Variants in KATNIP observed in about 807,000 individuals in gnomAD.
KATNIP encodes katanin-interacting protein.
KATNIP carries 126 observed loss-of-function variants against 174.0 expected under a neutral mutation model. The ratio of observed to expected loss-of-function variants is 0.72; its 90% CI spans 0.63 to 0.84. The LOEUF (loss-of-function observed/expected upper bound fraction) is 0.84. KATNIP is among the 40% of genes least tolerant of loss of function. KATNIP has a pLI of 0.00. For synonymous variants in KATNIP, 810 were observed against 835.7 expected, an observed-to-expected ratio of 0.97 and a Z score of 0.53; for missense variants, 1,958 against 2,109.7, an observed-to-expected ratio of 0.93 and a Z score of 1.41.
chr16:27,552,955 A>G (rs2089454723), intron 1 of KATNIP, among the ~76,000 whole-genome samples: 1 of 152,132 alleles, frequency 6.6e-6, no homozygotes, highest in Non-Finnish European at 1.5e-5. Context: ...TGGCCTCCCA[A>G]AGTGCTGGGA....
intron 8 of KATNIP, among the ~76,000 whole-genome samples, chr16:27,694,685 A>G (rs551078373): frequency 3.3e-5 from 5 of 152,080 alleles, no homozygotes; most frequent in Non-Finnish European, 7.4e-5. Flanking sequence ...AGTCCCAGCT[A>G]CTCAGGAGGC....
chr16:27,610,372 G>A (rs1192519859), intron 2 of KATNIP, among the ~76,000 whole-genome samples: 1 of 152,156 alleles, frequency 6.6e-6, no homozygotes, highest in Admixed American at 6.5e-5. Flanking sequence ...CTTTGAAGAT[G>A]ACTCCAAGGA....
At chr16:27,562,688 G>A (rs1311478028) in intron 1 of KATNIP, among the ~76,000 whole-genome samples, 2 of 152,204 alleles carry the variant, frequency 1.3e-5, no homozygotes, top group African/African-American at 4.8e-5. Context: ...AATGGGTTTA[G>A]GAGCTTGTCT....
intron 15 of KATNIP, 112 bp downstream of exon 15, chr16:27,741,032 T>G: frequency 6.2e-6 from 7 of 1,126,130 alleles, no homozygotes; most frequent in Non-Finnish European, 8.7e-6. Context: ...ACAAGATGGT[T>G]GTTCTCAACT....
intron 8 of KATNIP, among the ~76,000 whole-genome samples, chr16:27,690,535 C>T (rs554873371): frequency 2.0e-5 from 3 of 152,290 alleles, no homozygotes; most frequent in Non-Finnish European, 2.9e-5. Context: ...TGTTGCAGTT[C>T]CCGATGCCAT....
In KATNIP at chr16:27,661,999, T is replaced by C. The variant is rs1276862255; in HGVS notation, c.540+13264T>C. ...ATATATATATATACACATACATATA[T>C]ATATATATATATATATACACATACA... On this transcript the variant is annotated intron_variant, in intron 6 of 27. Transcript: ENST00000261588. 2.7e-5 allele frequency among the ~76,000 whole-genome samples: 2 copies of C among 73,778 alleles called. 1 individual carries two copies. The highest frequency in any genetic ancestry group is 1.6e-4 in the African/African-American group (2 of 12,400). 48.4% of individuals were successfully genotyped at this position (73,778 alleles called of 152,430 possible). A position where few individuals can be genotyped will look rare whatever the true frequency, so the allele number is the denominator to read the frequency against.
chr16:27,624,991 G>T (rs903207524), intron 3 of KATNIP, among the ~76,000 whole-genome samples: 1 of 152,204 alleles, frequency 6.6e-6, no homozygotes, highest in East Asian at 1.9e-4. Context: ...AAGTTGAACC[G>T]GCAAGCCAGT....
chr16:27,713,006 C>T (rs1240115881), intron 13 of KATNIP, among the ~76,000 whole-genome samples: 7 of 152,066 alleles, frequency 4.6e-5, no homozygotes, highest in Non-Finnish European at 1.0e-4. Flanking sequence ...TAGGGTCTCA[C>T]TGTGTGTCCC....
chr16:27,623,490 C>T (rs945270738), intron 3 of KATNIP, among the ~76,000 whole-genome samples: 1 of 152,076 alleles, frequency 6.6e-6, no homozygotes, highest in Non-Finnish European at 1.5e-5. Flanking sequence ...ATGGGGGTCT[C>T]ACTCTGTTGC....
At chr16:27,602,527 A>G (rs1215202215) in intron 2 of KATNIP, among the ~76,000 whole-genome samples, 1 of 152,136 alleles carries the variant, frequency 6.6e-6, no homozygotes, top group Non-Finnish European at 1.5e-5. Flanking sequence ...TAACTGCCCA[A>G]CGGGTTCATT....
chr16:27,775,079 G>T lies in KATNIP; in HGVS notation c.4444G>T (p.Gly1482Cys). The T allele has an allele frequency of 6.2e-7, 1 of 1,611,016 alleles. No individual in the cohort carries two copies. Among genetic ancestry groups the T allele is most frequent in the Non-Finnish European group, 8.5e-7 (1 of 1,179,184 alleles). Residue 1482 changes from glycine to cysteine, a missense_variant, in exon 24 of 28, where the codon GGC becomes TGC. Around this residue, in one of 3 missense-constraint regions of KATNIP, gnomAD observed 383 missense variants for 456.0 expected, o/e 0.84. Coordinates refer to ENST00000261588, the MANE Select transcript of KATNIP (RefSeq NM_015202.5). ...RHMWLAPILP[G>C]LVNRVYVIFD... ...CATGTGGCTGGCTCCCATCCTGCCG[G>T]GCCTGGTGGGTTCCCGGCAGCGGCC...
At chr16:27,707,459 C>T (rs1231265010) in intron 12 of KATNIP, among the ~76,000 whole-genome samples, 4 of 152,166 alleles carry the variant, frequency 2.6e-5, no homozygotes, top group South Asian at 4.1e-4. Flanking sequence ...ACTTACAGAG[C>T]GCACCCAGGG....
At position 27,677,773 on chromosome 16, in the gene KATNIP, A is replaced by T; in HGVS notation, c.585A>T (p.Lys195Asn). 6.2e-7 allele frequency: 1 copy of T among 1,613,790 alleles called. No individual in the cohort carries two copies. The change falls in exon 7 of 28, where the codon AAA (lysine) becomes AAT (asparagine). Residue 195 changes from lysine (K) to asparagine (N), a missense_variant. By Grantham distance (94) the Lys-to-Asn change is moderately conservative (BLOSUM62 0). Transcript: ENST00000261588. ...SLELSVNLQR[K>N]QKDCSSDEYD... ...AACTTAGTGTAAATCTACAAAGGAA[A>T]CAAAAGGATTGTTCCAGCGATGAGT... is the stretch of plus-strand genomic sequence containing the variant.
intron 20 of KATNIP, among the ~76,000 whole-genome samples, chr16:27,767,524 A>G (rs2082165272): frequency 6.6e-6 from 1 of 152,164 alleles, no homozygotes; most frequent in Non-Finnish European, 1.5e-5. Flanking sequence ...GTTCTAGACC[A>G]GCCTGGGCAA....
intron 19 of KATNIP, among the ~76,000 whole-genome samples, chr16:27,763,839 C>G (rs910060156): frequency 1.3e-5 from 2 of 152,024 alleles, no homozygotes; most frequent in African/African-American, 2.4e-5. Context: ...TGTAAATTAC[C>G]TGTTGAAGAA....
At chr16:27,743,323 A>G (rs1184767284) in intron 15 of KATNIP, among the ~76,000 whole-genome samples, 1 of 152,090 alleles carries the variant, frequency 6.6e-6, no homozygotes, top group Non-Finnish European at 1.5e-5. Context: ...TCAAATCGGC[A>G]TCTTCTGTAT....
chr16:27,602,736 TTGCCCA>T (rs906363993), intron 2 of KATNIP, among the ~76,000 whole-genome samples: 25 of 152,266 alleles, frequency 1.6e-4, no homozygotes, highest in African/African-American at 5.3e-4. Flanking sequence ...TCTCGCTCTG[TTGCCCA>T]GGCTGGAGTG....
In KATNIP at chr16:27,570,659, G is replaced by A. The variant is rs937312365; in HGVS notation, c.8-3242G>A. 4.6e-5 allele frequency among the ~76,000 whole-genome samples: 7 copies of A among 152,196 alleles called. No individual in the cohort carries two copies. In the South Asian group the frequency reaches 1.2e-3, roughly 27 times the overall value. ...TGAGTACTATCTGTGTGTCTTGTTC[G>A]GGTGGCCATCTTGGGTCCCAGTCTA... On this transcript the variant is annotated intron_variant, in intron 1 of 27. Transcript: ENST00000261588.
intron 8 of KATNIP, among the ~76,000 whole-genome samples, chr16:27,696,290 A>C (rs2078909286): frequency 6.6e-6 from 1 of 152,220 alleles, no homozygotes; most frequent in Non-Finnish European, 1.5e-5. Flanking sequence ...TTCTGTAAGA[A>C]AGTTAATTTT....
Sources: allele counts gnomAD v4.1 joint callset (sites outside exome capture counted in the v4.1 genomes callset), GRCh38; gene constraint gnomAD v4.1.1; regional missense constraint gnomAD v4.1.1; transcripts MANE v1.5; gene names NCBI Gene and HGNC (gene_info 2026-07-23, HGNC 2026-07-21).